ZNF407: variants seen among roughly 807,000 people sequenced by gnomAD.
The protein encoded by ZNF407 is zinc finger protein 407.
ZNF407 carries 17 observed loss-of-function variants against 131.2 expected under a neutral mutation model. The ratio of observed to expected loss-of-function variants is 0.13; its 90% confidence interval spans 0.09 to 0.19. The LOEUF (loss-of-function observed/expected upper bound fraction) is 0.19. Ranked by LOEUF, ZNF407 falls within the 10% of genes least tolerant of loss-of-function variation. The probability of loss-of-function intolerance (pLI) is 1.00; values close to 1 mark genes in which losing one functional copy is unlikely to be tolerated. For synonymous variants in ZNF407, 1,156 were observed against 1,062.0 expected, an observed-to-expected ratio of 1.09 and a Z score of -1.72; for missense variants, 2,681 against 2,830.6, an observed-to-expected ratio of 0.95 and a Z score of 1.20.
chr18:75,053,722 A>G (rs1312998093), intron 8 of ZNF407, among the ~76,000 whole-genome samples: 1 of 152,254 alleles, frequency 6.6e-6, no homozygotes, highest in Non-Finnish European at 1.5e-5. Flanking sequence ...TACCTTGACA[A>G]TGTCAGCGTC....
intron 6 of ZNF407, among the ~76,000 whole-genome samples, chr18:74,883,454 G>A (rs1971265671): frequency 6.6e-6 from 1 of 152,128 alleles, no homozygotes. Context: ...ATTATAATCA[G>A]CTTGGAAAGG....
At chr18:75,013,134 TGCTGCAGATC>T (rs1369104899) in intron 8 of ZNF407, among the ~76,000 whole-genome samples, 1 of 152,136 alleles carries the variant, frequency 6.6e-6, no homozygotes, top group Non-Finnish European at 1.5e-5. Context: ...CATTTTGCTG[TGCTGCAGATC>T]GCCTGCGTGG....
chr18:74,766,077 G>C (rs893534052), intron 3 of ZNF407, among the ~76,000 whole-genome samples: 2 of 151,388 alleles, frequency 1.3e-5, no homozygotes, highest in Non-Finnish European at 2.9e-5. Context: ...GTGTCTGTGT[G>C]TGTGTGGCTG....
intron 8 of ZNF407, among the ~76,000 whole-genome samples, chr18:74,923,222 G>T (rs1448670883): frequency 1.3e-5 from 2 of 151,030 alleles, no homozygotes; most frequent in African/African-American, 4.9e-5. Context: ...GACAAAAGTG[G>T]TTTCTTTATT....
chr18:74,738,279 G>C (rs1315479874), intron 3 of ZNF407, among the ~76,000 whole-genome samples: 2 of 151,946 alleles, frequency 1.3e-5, no homozygotes, highest in South Asian at 4.2e-4. Context: ...AATTAGCCAG[G>C]TGTGGCGGTG....
intron 4 of ZNF407, among the ~76,000 whole-genome samples, chr18:74,790,720 C>T (rs895316008): frequency 8.5e-5 from 13 of 152,114 alleles, no homozygotes; most frequent in Non-Finnish European, 1.6e-4. Context: ...AACTTGGATA[C>T]AGTTTCATTA....
At chr18:74,872,789 AT>A (rs1971106551) in intron 4 of ZNF407, among the ~76,000 whole-genome samples, 1 of 151,120 alleles carries the variant, frequency 6.6e-6, no homozygotes, top group African/African-American at 2.4e-5. Context: ...AAGAAAAGAT[AT>A]ACTAGTGACT....
intron 7 of ZNF407, among the ~76,000 whole-genome samples, chr18:74,893,844 A>G (rs1465521883): frequency 6.6e-6 from 1 of 152,006 alleles, no homozygotes; most frequent in East Asian, 1.9e-4. Flanking sequence ...TTATGTTTTT[A>G]TTTGTATAAT....
intron 1 of ZNF407, among the ~76,000 whole-genome samples, chr18:74,601,329 CTGTGTGTGTGTGTGTG>C (rs60358173): frequency 1.8e-4 from 26 of 144,862 alleles, no homozygotes; most frequent in Non-Finnish European, 2.3e-4. Flanking sequence ...GTGTGTATGT[CTGTGTGTGTGTGTGTG>C]TGTGTGTGTG....
chr18:75,023,101 T>C (rs1973130433), intron 8 of ZNF407, among the ~76,000 whole-genome samples: 2 of 151,950 alleles, frequency 1.3e-5, no homozygotes, highest in Admixed American at 1.3e-4. Context: ...ACACCACATG[T>C]TCTCACTTAC....
Position 74,721,595 on chromosome 18 carries a change from T to A in ZNF407, c.4803-59833T>A, listed in dbSNP as rs547325376. Reference sequence around the variant, plus strand: ...AAATCTATAGTGTTTCTGTGAAAAATTTTTTTTTATTTTCAAAATATTTGT... The same window carrying A: ...AAATCTATAGTGTTTCTGTGAAAAAATTTTTTTTATTTTCAAAATATTTGT... On this transcript the variant is annotated intron_variant, in intron 3 of 8. Coordinates refer to ENST00000299687, the MANE Select transcript of ZNF407 (RefSeq NM_017757.3). Among the ~76,000 whole-genome samples, 14 of 152,004 alleles carry A rather than the reference T, an allele frequency of 9.2e-5. No individual in the cohort carries two copies. The East Asian group carries it at 1.9e-3, about 21-fold the overall frequency.
intron 8 of ZNF407, among the ~76,000 whole-genome samples, chr18:75,013,680 C>T (rs368017550): frequency 1.3e-5 from 2 of 152,038 alleles, no homozygotes; most frequent in Non-Finnish European, 2.9e-5. Flanking sequence ...AGCAAAGTTA[C>T]GTATACCACC....
At chr18:74,695,579 A>G (rs1478215313) in intron 3 of ZNF407, among the ~76,000 whole-genome samples, 1 of 150,538 alleles carries the variant, frequency 6.6e-6, no homozygotes, top group Non-Finnish European at 1.5e-5. Flanking sequence ...TCTTCTGTAT[A>G]TGATATCCCA....
intron 3 of ZNF407, among the ~76,000 whole-genome samples, chr18:74,762,482 CAT>C (rs1435454707): frequency 1.3e-5 from 2 of 152,034 alleles, no homozygotes; most frequent in Non-Finnish European, 2.9e-5. Flanking sequence ...CATATTTAGA[CAT>C]ATGTGTATGT....
chr18:74,842,393 C>A (rs1970646182), intron 4 of ZNF407, among the ~76,000 whole-genome samples: 1 of 152,066 alleles, frequency 6.6e-6, no homozygotes, highest in East Asian at 1.9e-4. Context: ...TTATATAAAA[C>A]AAAGTATTTC....
rs531026555 is a variant in ZNF407 at position 74,797,161 on chromosome 18, G to A, written c.4877+15659G>A. On this transcript the variant is annotated intron_variant, in intron 4 of 8. Transcript: ENST00000299687. Reference sequence around the variant, plus strand: ...CTTACTCACCTGTTATTTTTAGAACGTTGGATCTGTTTGTCAAAAAGAAAT... The same window carrying A: ...CTTACTCACCTGTTATTTTTAGAACATTGGATCTGTTTGTCAAAAAGAAAT... 1.9e-3 allele frequency among the ~76,000 whole-genome samples: 286 copies of A among 152,272 alleles called. 3 individuals are homozygous for A. Among genetic ancestry groups the A allele is most frequent in the African/African-American group, 6.5e-3 (272 of 41,546 alleles).
chr18:74,793,101 G>C (rs1016575811), intron 4 of ZNF407, among the ~76,000 whole-genome samples: 12 of 152,184 alleles, frequency 7.9e-5, no homozygotes, highest in African/African-American at 2.7e-4. Context: ...CTCTTAACTA[G>C]TGAGAGAACC....
intron 8 of ZNF407, among the ~76,000 whole-genome samples, chr18:74,923,131 A>G (rs1273207030): frequency 6.6e-6 from 1 of 152,098 alleles, no homozygotes; most frequent in Non-Finnish European, 1.5e-5. Context: ...CGATTTTTGT[A>G]TCTTTTTCTA....
chr18:74,743,595 T>G (rs1005240719), intron 3 of ZNF407, among the ~76,000 whole-genome samples: 1 of 152,292 alleles, frequency 6.6e-6, no homozygotes, highest in Admixed American at 6.5e-5. Flanking sequence ...CCTAATGAGT[T>G]GTCATGTTTT....
Sources: allele counts gnomAD v4.1 joint callset (sites outside exome capture counted in the v4.1 genomes callset), GRCh38; gene constraint gnomAD v4.1.1; transcripts MANE v1.5; gene names NCBI Gene and HGNC (gene_info 2026-07-23, HGNC 2026-07-21).